The following ALCAM variants were observed in gnomAD, a reference collection of about 807,000 sequenced individuals.
ALCAM encodes the protein CD166 antigen.
In ALCAM, 30 loss-of-function variants were observed where a neutral mutation model predicts 70.9. The observed-to-expected ratio is 0.42, with a 90% confidence interval of 0.32 to 0.57. The LOEUF is 0.57. ALCAM is among the 20% of genes least tolerant of loss of function. ALCAM has a pLI of 0.11. For missense variants in ALCAM, 591 were observed against 695.1 expected, an observed-to-expected ratio of 0.85 and a Z score of 1.68; for synonymous variants, 249 against 242.5, an observed-to-expected ratio of 1.03 and a Z score of -0.25.
At chr3:105,495,647 G>A (rs1268560971) in intron 1 of ALCAM, among the ~76,000 whole-genome samples, 5 of 152,052 alleles carry the variant, frequency 3.3e-5, no homozygotes, top group African/African-American at 4.8e-5. Flanking sequence ...TGCAAAGCAC[G>A]GTGGAATAAT....
chr3:105,371,841 T>G (rs1935242490), intron 1 of ALCAM, among the ~76,000 whole-genome samples: 1 of 152,150 alleles, frequency 6.6e-6, no homozygotes, highest in African/African-American at 2.4e-5. Flanking sequence ...GAAGAATATG[T>G]CTCTGTCTCA....
intron 6 of ALCAM, among the ~76,000 whole-genome samples, chr3:105,539,663 G>C (rs1036305940): frequency 6.6e-6 from 1 of 151,958 alleles, no homozygotes; most frequent in African/African-American, 2.4e-5. Flanking sequence ...CTATCATAAA[G>C]CCATGCAGTT....
intron 14 of ALCAM, among the ~76,000 whole-genome samples, chr3:105,569,996 G>A (rs1940828503): frequency 6.6e-6 from 1 of 152,114 alleles, no homozygotes; most frequent in African/African-American, 2.4e-5. Context: ...TCAATAACCT[G>A]ATAGAATTGT....
chr3:105,538,143 A>C (rs1940019743), intron 6 of ALCAM, among the ~76,000 whole-genome samples: 1 of 152,158 alleles, frequency 6.6e-6, no homozygotes, highest in South Asian at 2.1e-4. Flanking sequence ...AATATATATG[A>C]AAGGATCAAA....
chr3:105,457,689 T>A (rs535171943), intron 1 of ALCAM, among the ~76,000 whole-genome samples: 1 of 152,174 alleles, frequency 6.6e-6, no homozygotes, highest in Admixed American at 6.5e-5. Context: ...GCCCATATGC[T>A]GGAAGAAGGC....
intron 1 of ALCAM, among the ~76,000 whole-genome samples, chr3:105,427,369 A>G (rs781491121): frequency 6.6e-6 from 1 of 151,960 alleles, no homozygotes; most frequent in Non-Finnish European, 1.5e-5. Flanking sequence ...GGGAAGAAGA[A>G]CAGCTGAAAA....
At chr3:105,393,112 C>T (rs186827482) in intron 1 of ALCAM, among the ~76,000 whole-genome samples, 117 of 151,752 alleles carry the variant, frequency 7.7e-4, no homozygotes, top group Non-Finnish European at 1.1e-3. Context: ...GTTAGGCTTG[C>T]GAATTTTTTT....
At chr3:105,469,680 T>G (rs964221840) in intron 1 of ALCAM, among the ~76,000 whole-genome samples, 1 of 151,138 alleles carries the variant, frequency 6.6e-6, no homozygotes, top group African/African-American at 2.4e-5. Flanking sequence ...AGAATTTGTA[T>G]CTGTAGGGAA....
In ALCAM at chr3:105,424,951, A is replaced by G. The variant is rs1315448047; in HGVS notation, c.73+57470A>G. Among the ~76,000 whole-genome samples the G allele has an allele frequency of 3.3e-5, 5 of 151,752 alleles. No homozygotes were observed. The East Asian group carries it at 9.7e-4, about 29-fold the overall frequency. ...CTATGTGTCTGCCCTTGTGTTTAGC[A>G]CCATGCAGTAAGTGGTAGAACTAGA... On this transcript the variant is annotated intron_variant, in intron 1 of 15. Transcript: ENST00000306107.
intron 1 of ALCAM, among the ~76,000 whole-genome samples, chr3:105,367,986 C>A (rs1301581012): frequency 6.6e-6 from 1 of 151,890 alleles, no homozygotes; most frequent in Non-Finnish European, 1.5e-5. Context: ...ACTTTAATCA[C>A]CTCCCCCCGC....
At chr3:105,454,486 CAG>C (rs1014080878) in intron 1 of ALCAM, among the ~76,000 whole-genome samples, 4 of 151,932 alleles carry the variant, frequency 2.6e-5, no homozygotes, top group African/African-American at 7.3e-5. Flanking sequence ...CATTTTTAGA[CAG>C]GGGAGACTGA....
chr3:105,486,957 C>T (rs929618216), intron 1 of ALCAM, among the ~76,000 whole-genome samples: 20 of 148,852 alleles, frequency 1.3e-4, no homozygotes, highest in African/African-American at 4.2e-4. Flanking sequence ...GAGCATAAGA[C>T]ATTTATTTAT....
At chr3:105,515,351 C>A (rs986580709) in intron 1 of ALCAM, among the ~76,000 whole-genome samples, 1 of 152,028 alleles carries the variant, frequency 6.6e-6, no homozygotes, top group African/African-American at 2.4e-5. Flanking sequence ...GTGTGGCAAA[C>A]AAATTTGATA....
chr3:105,479,319 G>A (rs1938207740), intron 1 of ALCAM, among the ~76,000 whole-genome samples: 1 of 152,098 alleles, frequency 6.6e-6, no homozygotes, highest in Non-Finnish European at 1.5e-5. Flanking sequence ...ACAGGATAAG[G>A]TCAGAAAGTA....
At chr3:105,561,754 C>T (rs1029939184) in intron 14 of ALCAM, among the ~76,000 whole-genome samples, 1 of 152,088 alleles carries the variant, frequency 6.6e-6, no homozygotes, top group Non-Finnish European at 1.5e-5. Context: ...TTTTTATATT[C>T]CTGATTATAT....
chr3:105,562,856 A>G (rs927641990), intron 14 of ALCAM, among the ~76,000 whole-genome samples: 2 of 152,242 alleles, frequency 1.3e-5, no homozygotes, highest in African/African-American at 4.8e-5. Context: ...CCCAGGCTGG[A>G]GCGCAATGTC....
intron 1 of ALCAM, among the ~76,000 whole-genome samples, chr3:105,497,216 T>C (rs1224550724): frequency 6.6e-6 from 1 of 152,148 alleles, no homozygotes; most frequent in African/African-American, 2.4e-5. Flanking sequence ...TCACAGAATA[T>C]ACTGAAGACA....
intron 1 of ALCAM, among the ~76,000 whole-genome samples, chr3:105,392,529 C>T (rs75186868): frequency 0.11 from 16,766 of 151,036 alleles, 1,057 homozygotes; most frequent in Middle Eastern, 0.17. Flanking sequence ...AAAAATAGCT[C>T]GTAGATTCAT....
chr3:105,508,705 C>T (rs908776705), intron 1 of ALCAM, among the ~76,000 whole-genome samples: 1 of 152,134 alleles, frequency 6.6e-6, no homozygotes, highest in Admixed American at 6.6e-5. Context: ...TCACTCTCCT[C>T]ACATAGTTAT....
Sources: allele counts gnomAD v4.1 joint callset (sites outside exome capture counted in the v4.1 genomes callset), GRCh38; gene constraint gnomAD v4.1.1; transcripts MANE v1.5; gene names NCBI Gene and HGNC (gene_info 2026-07-23, HGNC 2026-07-21).